TANC2: variants seen among roughly 807,000 people sequenced by gnomAD.
TANC2 encodes protein TANC2.
TANC2 carries 26 observed loss-of-function variants against 210.5 expected under a neutral mutation model. The ratio of observed to expected loss-of-function variants is 0.12; its 90% CI spans 0.09 to 0.17. The LOEUF is 0.17. Among genes scored for constraint, TANC2 ranks in the 10% least tolerant of loss-of-function variants. The pLI is 1.00. For missense variants in TANC2, 2,129 were observed against 2,608.9 expected, an observed-to-expected ratio of 0.82 and a Z score of 4.01; for synonymous variants, 931 against 967.1, an observed-to-expected ratio of 0.96 and a Z score of 0.69.
chr17:63,308,011 C>T lies in TANC2; in HGVS notation c.1160-6377C>T, dbSNP rs181339725. Among the ~76,000 whole-genome samples the T allele has an allele frequency of 2.6e-5, 4 of 152,152 alleles. No homozygotes were observed. The East Asian group carries it at 5.8e-4, about 22-fold the overall frequency. On this transcript the variant is annotated intron_variant, in intron 9 of 27. Transcript: ENST00000689528. ...CAATCTCCTGACCTTGTGATCTGCC[C>T]GCCTCGGCCTCCCAAAGTGCTGGGA...
chr17:63,178,332 C>CAA lies in TANC2; in HGVS notation c.434-15651_434-15650dup, dbSNP rs201264145. Among the ~76,000 whole-genome samples the CAA allele has an allele frequency of 4.3e-3, 649 of 150,656 alleles. 4 individuals carry two copies. Among genetic ancestry groups the CAA allele is most frequent in the African/African-American group, 0.014 (564 of 41,024 alleles). Reference sequence around the variant, plus strand: ...TGGGCGACAGAGCAAGACTCTGTCTCAAAAAAAAACACAAAAAACTGCCCT... The same window carrying CAA: ...TGGGCGACAGAGCAAGACTCTGTCTCAAAAAAAAAAACACAAAAAACTGCCCT... On this transcript the variant is annotated intron_variant, in intron 5 of 27. Transcript: ENST00000689528.
chr17:63,174,246 A>G (rs975663567), intron 5 of TANC2, among the ~76,000 whole-genome samples: 1 of 152,092 alleles, frequency 6.6e-6, no homozygotes, highest in Non-Finnish European at 1.5e-5. Flanking sequence ...ATACTCTTTC[A>G]ATTCTTTACA....
intron 17 of TANC2, chr17:63,393,360 C>T (rs761675973): frequency 6.6e-6 from 1 of 152,196 alleles, no homozygotes; most frequent in Non-Finnish European, 1.5e-5. Context: ...CTACCCTAGA[C>T]CTGCTCACCA....
intron 4 of TANC2, among the ~76,000 whole-genome samples, chr17:63,105,991 T>C (rs1479709087): frequency 1.3e-5 from 2 of 151,780 alleles, no homozygotes; most frequent in East Asian, 3.9e-4. Flanking sequence ...ACTAAGACTT[T>C]TAAGCTCTTT....
At chr17:63,316,717 ATT>A (rs1486280072) in intron 10 of TANC2, among the ~76,000 whole-genome samples, 4 of 152,198 alleles carry the variant, frequency 2.6e-5, no homozygotes, top group African/African-American at 7.2e-5. Flanking sequence ...ATACAAAATA[ATT>A]TTTGTTACAA....
At chr17:63,112,681 G>T (rs561333475) in intron 4 of TANC2, among the ~76,000 whole-genome samples, 19 of 152,206 alleles carry the variant, frequency 1.2e-4, no homozygotes, top group Non-Finnish European at 2.4e-4. Context: ...AAGGCTGAGA[G>T]GAATACAGAA....
intron 3 of TANC2, among the ~76,000 whole-genome samples, chr17:63,095,483 C>T (rs2037353762): frequency 6.6e-6 from 1 of 152,098 alleles, no homozygotes; most frequent in African/African-American, 2.4e-5. Context: ...GAGCAGAAGT[C>T]TTAAGTATGT....
chr17:63,355,082 A>C, exon 14 of TANC2: 12 of 1,613,890 alleles, frequency 7.4e-6, no homozygotes, highest in Non-Finnish European at 1.0e-5. Flanking sequence ...TTTCGCTCTC[A>C]GAGGTTTATT....
At chr17:63,295,431 A>G (rs900404059) in intron 9 of TANC2, among the ~76,000 whole-genome samples, 10 of 152,236 alleles carry the variant, frequency 6.6e-5, no homozygotes, top group Non-Finnish European at 8.8e-5. Flanking sequence ...TACTTATTCC[A>G]TGTTATAAAT....
chr17:63,422,128 C>A, exon 28 of TANC2: 1 of 769,504 alleles, frequency 1.3e-6, no homozygotes, highest in Non-Finnish European at 2.0e-6. Context: ...GAAGCGGCCT[C>A]CCGGGAGCCA....
At chr17:63,388,069 T>C (rs1251005775) in intron 15 of TANC2, 3 of 152,656 alleles carry the variant, frequency 2.0e-5, no homozygotes, top group South Asian at 2.1e-4. Context: ...GAATTCTCCA[T>C]TGGATCTTCT....
chr17:63,077,087 G>A (rs974895603), intron 3 of TANC2, among the ~76,000 whole-genome samples: 2 of 152,062 alleles, frequency 1.3e-5, no homozygotes, highest in African/African-American at 4.8e-5. Flanking sequence ...CCAAACTAAG[G>A]CACATTGTGG....
intron 11 of TANC2, among the ~76,000 whole-genome samples, chr17:63,323,621 A>G (rs146082108): frequency 1.7e-3 from 257 of 152,276 alleles, no homozygotes; most frequent in African/African-American, 5.6e-3. Flanking sequence ...GCCTCCCTTT[A>G]TGGAAGGCTT....
intron 9 of TANC2, among the ~76,000 whole-genome samples, chr17:63,301,457 C>G (rs1185782662): frequency 1.3e-5 from 2 of 152,146 alleles, no homozygotes; most frequent in African/African-American, 4.8e-5. Flanking sequence ...AATTTCAGAA[C>G]TTGTTACTGG....
At chr17:63,276,640 A>G (rs1029541472) in intron 9 of TANC2, among the ~76,000 whole-genome samples, 6 of 152,136 alleles carry the variant, frequency 3.9e-5, no homozygotes, top group Admixed American at 1.3e-4. Flanking sequence ...AAGTTATTCA[A>G]AGATTCAAAG....
At chr17:63,111,204 A>G (rs569905910) in intron 4 of TANC2, among the ~76,000 whole-genome samples, 12 of 152,188 alleles carry the variant, frequency 7.9e-5, no homozygotes, top group Non-Finnish European at 1.6e-4. Context: ...AATCCCAGCT[A>G]CTCGGGAGGC....
At chr17:63,342,258 A>G (rs1300043349) in intron 12 of TANC2, among the ~76,000 whole-genome samples, 5 of 151,996 alleles carry the variant, frequency 3.3e-5, no homozygotes, top group Non-Finnish European at 5.9e-5. Context: ...TATTTACCAT[A>G]TGCCAGATAC....
rs549841304 is a variant in TANC2, at chr17:63,299,186, G to T, written c.1160-15202G>T. 1.0e-3 allele frequency among the ~76,000 whole-genome samples: 158 copies of T among 152,166 alleles called. 1 individual carries two copies. Among genetic ancestry groups the T allele is most frequent in the African/African-American group, 3.7e-3 (152 of 41,510 alleles). On this transcript the variant is annotated intron_variant, in intron 9 of 27. Coordinates refer to ENST00000689528, the Ensembl canonical transcript of TANC2. Reference sequence around the variant, plus strand: ...CAAGTCTATCATTGATGGGCATTTGGGTTGGTTCCATGTCTTTGCTATTGT... The same window carrying T: ...CAAGTCTATCATTGATGGGCATTTGTGTTGGTTCCATGTCTTTGCTATTGT...
intron 17 of TANC2, among the ~76,000 whole-genome samples, chr17:63,394,236 AT>A (rs1192441650): frequency 6.6e-6 from 1 of 152,070 alleles, no homozygotes; most frequent in Non-Finnish European, 1.5e-5. Context: ...ATGGATATTT[AT>A]TTTATTCCAT....
Sources: allele counts gnomAD v4.1 joint callset (sites outside exome capture counted in the v4.1 genomes callset), GRCh38; gene constraint gnomAD v4.1.1; transcripts MANE v1.5; gene names NCBI Gene and HGNC (gene_info 2026-07-23, HGNC 2026-07-21).